SDK2: variants seen among roughly 807,000 people sequenced by gnomAD.
SDK2 encodes the protein protein sidekick-2.
Under a neutral mutation model 253.9 loss-of-function variants are expected in SDK2, and 105 were observed. The ratio of observed to expected loss-of-function variants is 0.41; its 90% CI spans 0.35 to 0.49. The LOEUF is 0.49. SDK2 is among the 20% of genes least tolerant of loss of function. The probability of loss-of-function intolerance (pLI) is 0.06; values close to 1 mark genes in which losing one functional copy is unlikely to be tolerated. For synonymous variants in SDK2, 1,249 were observed against 1,234.9 expected (o/e 1.01, Z -0.24); for missense variants, 2,608 against 3,003.0 (o/e 0.87, Z 3.07).
At position 73,408,425 on chromosome 17, in the gene SDK2, C is replaced by T. The variant is rs905839199; in HGVS notation, c.2484+6219G>A. Among the ~76,000 whole-genome samples the T allele has an allele frequency of 2.6e-5, 4 of 151,496 alleles. 1 individual carries two copies. The highest frequency in any genetic ancestry group is 1.9e-4 in the East Asian group (1 of 5,170). On this transcript the variant is annotated intron_variant, in intron 18 of 44. Coordinates refer to ENST00000392650, the MANE Select transcript of SDK2 (RefSeq NM_001144952.2). ...ATTTTTAGTAGAGACGGGGTTTCAC[C>T]GTGTTAGCCAGGATGGTCTCGATCT...
intron 2 of SDK2, among the ~76,000 whole-genome samples, chr17:73,494,388 C>T (rs951794941): frequency 2.0e-5 from 3 of 152,144 alleles, no homozygotes; most frequent in Non-Finnish European, 4.4e-5. Context: ...CCTGCCTGCC[C>T]CCTGCACCGG....
chr17:73,392,413 C>T (rs143591308), intron 27 of SDK2, among the ~76,000 whole-genome samples: 4,859 of 152,124 alleles, frequency 0.032, 255 homozygotes, highest in African/African-American at 0.11. Context: ...AGACTACAGG[C>T]GTGTGCCACC....
At chr17:73,600,554 C>T (rs965955170) in intron 1 of SDK2, among the ~76,000 whole-genome samples, 5 of 152,104 alleles carry the variant, frequency 3.3e-5, no homozygotes, top group Non-Finnish European at 5.9e-5. Flanking sequence ...GGTCACTCAG[C>T]CCCTAGCTCC....
At chr17:73,430,680 G>A in intron 11 of SDK2, 67 bp from the exon 12 acceptor site, 1 of 1,101,894 alleles carries the variant, frequency 9.1e-7, no homozygotes, top group South Asian at 1.8e-5. Flanking sequence ...GACTCTGGGT[G>A]GATACCATAT....
chr17:73,550,745 C>T (rs374484009), intron 1 of SDK2, among the ~76,000 whole-genome samples: 7 of 152,160 alleles, frequency 4.6e-5, no homozygotes, highest in African/African-American at 1.7e-4. Context: ...TGATAATCAG[C>T]GAGAAGCCCA....
intron 1 of SDK2, among the ~76,000 whole-genome samples, chr17:73,581,343 C>G (rs2045531575): frequency 1.3e-5 from 2 of 152,236 alleles, no homozygotes; most frequent in South Asian, 4.1e-4. Flanking sequence ...TCCAGGTCAG[C>G]TCCCCTTAAA....
chr17:73,381,313 T>G (rs1022862238), intron 33 of SDK2, among the ~76,000 whole-genome samples: 2 of 151,824 alleles, frequency 1.3e-5, no homozygotes, highest in Admixed American at 1.3e-4. Context: ...AATACTGGAG[T>G]CGTTAATTTC....
At chr17:73,622,796 G>T (rs1021237690) in intron 1 of SDK2, among the ~76,000 whole-genome samples, 1 of 152,248 alleles carries the variant, frequency 6.6e-6, no homozygotes, top group South Asian at 2.1e-4. Flanking sequence ...GCCTGCATGC[G>T]CATGATTGGG....
rs1337242863 is a variant in SDK2 at position 73,644,291 on chromosome 17, G to A, written c.-203C>T. ...CCTCTTCTGTACTAGTCCGAGCCCG[G>A]CAGCGCGCCCGGAAGGCGAGGGGCG... On this transcript the variant is annotated 5_prime_UTR_variant, in exon 1 of 45. Coordinates refer to ENST00000392650, the MANE Select transcript of SDK2 (RefSeq NM_001144952.2). The surrounding 1 kb of genome is among the most constrained non-coding windows in gnomAD (Gnocchi z 6.3). Among the ~76,000 whole-genome samples, 1 of 152,216 alleles carries A rather than the reference G, an allele frequency of 6.6e-6. No homozygotes were observed. The highest frequency in any genetic ancestry group is 1.5e-5 in the Non-Finnish European group (1 of 68,030).
intron 1 of SDK2, among the ~76,000 whole-genome samples, chr17:73,627,025 C>G (rs964060585): frequency 1.2e-4 from 19 of 152,120 alleles, no homozygotes; most frequent in Non-Finnish European, 2.9e-5. Context: ...TTTGCAATAT[C>G]GGACAACTGG....
intron 2 of SDK2, among the ~76,000 whole-genome samples, chr17:73,472,911 A>T (rs2063662507): frequency 6.6e-6 from 1 of 152,120 alleles, no homozygotes; most frequent in African/African-American, 2.4e-5. Context: ...TCCATGTAAG[A>T]TGTGATTTGC....
At chr17:73,347,258 G>T (rs1336303988) in intron 44 of SDK2, among the ~76,000 whole-genome samples, 1 of 152,184 alleles carries the variant, frequency 6.6e-6, no homozygotes, top group Non-Finnish European at 1.5e-5. Context: ...TACTCTGGAG[G>T]CTGAGGCACG....
chr17:73,391,834 G>A (rs926784492), intron 27 of SDK2, among the ~76,000 whole-genome samples: 3 of 152,244 alleles, frequency 2.0e-5, no homozygotes, highest in Non-Finnish European at 4.4e-5. Context: ...CCTCAGAGCT[G>A]GGCGCGTGGG....
At chr17:73,344,220 A>G (rs1332222886) in intron 44 of SDK2, among the ~76,000 whole-genome samples, 1 of 152,180 alleles carries the variant, frequency 6.6e-6, no homozygotes, top group Non-Finnish European at 1.5e-5. Flanking sequence ...ATGTCCTTTG[A>G]AAAATGTCAG....
chr17:73,613,328 T>A (rs1056210229), intron 1 of SDK2, among the ~76,000 whole-genome samples: 21 of 151,932 alleles, frequency 1.4e-4, no homozygotes, highest in African/African-American at 4.8e-4. Flanking sequence ...AGCAGCCGGC[T>A]CACCTCGCTC....
chr17:73,552,440 G>A (rs544430448), intron 1 of SDK2, among the ~76,000 whole-genome samples: 4 of 152,284 alleles, frequency 2.6e-5, no homozygotes, highest in Admixed American at 1.3e-4. Context: ...TCTGTGTCAC[G>A]CATTGAAACT....
chr17:73,605,063 G>A (rs764128122), intron 1 of SDK2, among the ~76,000 whole-genome samples: 5 of 152,200 alleles, frequency 3.3e-5, no homozygotes, highest in African/African-American at 7.2e-5. Context: ...TATGGGCAAG[G>A]GGGCAAGGCC....
chr17:73,453,674 G>A (rs1671186303), intron 4 of SDK2, among the ~76,000 whole-genome samples: 2 of 152,186 alleles, frequency 1.3e-5, no homozygotes, highest in African/African-American at 4.8e-5. Flanking sequence ...ACTGCACCTG[G>A]CCCACTGAGC....
intron 1 of SDK2, among the ~76,000 whole-genome samples, chr17:73,602,632 A>C (rs2045856732): frequency 6.6e-6 from 1 of 152,006 alleles, no homozygotes. Context: ...AAATCCCAAG[A>C]AACCCACACA....
Sources: gnomAD v4.1 joint callset for allele counts (sites outside exome capture counted in the v4.1 genomes callset) on GRCh38, gnomAD v4.1.1 for gene constraint, Gnocchi (gnomAD v3.1) non-coding constraint, MANE v1.5 for transcripts, NCBI Gene and HGNC (gene_info 2026-07-23, HGNC 2026-07-21) for gene names.